Variants in TENT5D observed in about 807,000 individuals in gnomAD.
TENT5D encodes the protein cancer/testis antigen 112.
For missense variants in TENT5D, 191 were observed against 287.0 expected, an observed-to-expected ratio of 0.67 and a Z score of 2.42; for synonymous variants, 103 against 100.6, an observed-to-expected ratio of 1.02 and a Z score of -0.15.
chrX:80,347,244 A>T (rs1930082333), intron 3 of TENT5D, among the ~76,000 whole-genome samples: 1 of 111,472 alleles, frequency 9.0e-6, no homozygotes, highest in South Asian at 3.8e-4. Flanking sequence ...ATCCTTGAGG[A>T]ATTGCCACAC....
intron 3 of TENT5D, among the ~76,000 whole-genome samples, chrX:80,343,298 T>C (rs919737152): frequency 1.8e-5 from 2 of 111,690 alleles, no homozygotes; most frequent in African/African-American, 6.5e-5. Flanking sequence ...TAAACAACTT[T>C]GGTTAAAACA....
At chrX:80,397,980 A>G (rs1374418396) in intron 3 of TENT5D, among the ~76,000 whole-genome samples, 4 of 111,416 alleles carry the variant, frequency 3.6e-5, no homozygotes, top group Non-Finnish European at 7.6e-5. Context: ...AGGGAGAGGG[A>G]GAGGGAGCTA....
chrX:80,338,931 A>C (rs1435116424), intron 2 of TENT5D, among the ~76,000 whole-genome samples: 7 of 112,170 alleles, frequency 6.2e-5, no homozygotes, highest in Admixed American at 5.7e-4. Context: ...CAAATCATTT[A>C]TTGCATAAAA....
chrX:80,385,415 A>C (rs1194265815), intron 3 of TENT5D, among the ~76,000 whole-genome samples: 2 of 111,793 alleles, frequency 1.8e-5, no homozygotes, highest in Non-Finnish European at 3.8e-5. Flanking sequence ...TTATACAAAA[A>C]TCAATTCAAG....
At chrX:80,366,096 G>A (rs1013373779) in intron 3 of TENT5D, among the ~76,000 whole-genome samples, 1 of 110,303 alleles carries the variant, frequency 9.1e-6, no homozygotes, top group African/African-American at 3.3e-5. Flanking sequence ...CTGTTCATTA[G>A]TATTTCATGG....
At chrX:80,417,603 T>C (rs1481032605), upstream of TENT5D, among the ~76,000 whole-genome samples, 1 of 111,684 alleles carries the variant, frequency 9.0e-6, no homozygotes, top group African/African-American at 3.3e-5. Flanking sequence ...TTGCTTTGAA[T>C]TTCTTTTATT....
chrX:80,388,369 A>G (rs769771220), intron 3 of TENT5D, among the ~76,000 whole-genome samples: 1 of 112,115 alleles, frequency 8.9e-6, no homozygotes, highest in South Asian at 3.7e-4. Context: ...AATGTGTCAC[A>G]GAATCTCACG....
intron 3 of TENT5D, among the ~76,000 whole-genome samples, chrX:80,397,956 G>GGAGGGAGAGGGA (rs1164439327): frequency 3.2e-4 from 34 of 107,739 alleles, no homozygotes; most frequent in Admixed American, 6.8e-4. Context: ...AGAGGGCGAG[G>GGAGGGAGAGGGA]GAGGGAGAGG....
intron 3 of TENT5D, among the ~76,000 whole-genome samples, chrX:80,405,723 A>T (rs1277998703): frequency 3.6e-5 from 4 of 111,494 alleles, no homozygotes; most frequent in South Asian, 7.5e-4. Flanking sequence ...ACAAAGCAGC[A>T]GGGAAGCTCG....
At chrX:80,383,903 G>A (rs1379221689) in intron 3 of TENT5D, among the ~76,000 whole-genome samples, 1 of 111,168 alleles carries the variant, frequency 9.0e-6, no homozygotes, top group Admixed American at 9.6e-5. Context: ...AACAGGCTCT[G>A]AAATTGAGGC....
At chrX:80,354,507 AT>A (rs781028279) in intron 3 of TENT5D, among the ~76,000 whole-genome samples, 25 of 112,138 alleles carry the variant, frequency 2.2e-4, no homozygotes, top group Non-Finnish European at 4.1e-4. Flanking sequence ...GCTTTCTGAA[AT>A]TCCTATAGTG....
At chrX:80,355,297 T>C (rs1399706762) in intron 3 of TENT5D, among the ~76,000 whole-genome samples, 4 of 111,707 alleles carry the variant, frequency 3.6e-5, no homozygotes, top group Non-Finnish European at 1.9e-5. Flanking sequence ...GAGACTGTTT[T>C]GCAAGTGGGT....
chrX:80,395,037 C>A lies in TENT5D; in HGVS notation c.-141-43573C>A, dbSNP rs890064530. On this transcript the variant is annotated intron_variant, in intron 3 of 4. Transcript: ENST00000538312. ...CATTCTCTCCTGCTCTCTTCCCTCCCCAGTCTCTGGCAAATACTTGTATTT... is the reference window on the plus strand; with the variant it reads ...CATTCTCTCCTGCTCTCTTCCCTCCACAGTCTCTGGCAAATACTTGTATTT... Among the ~76,000 whole-genome samples, 7 of 111,815 alleles carry A rather than the reference C, an allele frequency of 6.3e-5. No individual in the cohort carries two copies. The East Asian group carries it at 2.0e-3, about 32-fold the overall frequency.
intron 3 of TENT5D, among the ~76,000 whole-genome samples, chrX:80,378,930 T>A (rs1187270239): frequency 1.8e-5 from 2 of 109,794 alleles, no homozygotes; most frequent in Non-Finnish European, 3.8e-5. Flanking sequence ...AGAGAAGGCA[T>A]CCCAGTCTTA....
chrX:80,402,127 A>G (rs5913262), intron 3 of TENT5D, among the ~76,000 whole-genome samples: 60,946 of 109,873 alleles, frequency 0.55, 13,622 homozygotes, highest in Non-Finnish European at 0.71. Context: ...CAATCTTGGT[A>G]GGGGTTGTAT....
intron 1 of TENT5D, among the ~76,000 whole-genome samples, chrX:80,427,561 A>G (rs990599921): frequency 8.9e-6 from 1 of 111,976 alleles, no homozygotes; most frequent in Non-Finnish European, 1.9e-5. Context: ...CCAAGGGCTT[A>G]TCCTTTTTCA....
At chrX:80,383,999 GT>G (rs1930933660) in intron 3 of TENT5D, among the ~76,000 whole-genome samples, 1 of 110,994 alleles carries the variant, frequency 9.0e-6, no homozygotes, top group Non-Finnish European at 1.9e-5. Flanking sequence ...GGAGGAGCTG[GT>G]ACCATTCCTT....
exon 3 of TENT5D, chrX:80,442,762 C>T: frequency 8.3e-7 from 1 of 1,211,107 alleles, no homozygotes; most frequent in Non-Finnish European, 1.1e-6. Context: ...ACTTGCAAGC[C>T]ACAATGGAAT....
At chrX:80,411,627 A>G (rs749231324) in intron 3 of TENT5D, among the ~76,000 whole-genome samples, 2 of 112,364 alleles carry the variant, frequency 1.8e-5, no homozygotes, top group South Asian at 3.7e-4. Flanking sequence ...GAATTAGACA[A>G]AAAGTATTTT....
Sources: allele counts gnomAD v4.1 joint callset (sites outside exome capture counted in the v4.1 genomes callset), GRCh38; gene constraint gnomAD v4.1.1; transcripts MANE v1.5; gene names NCBI Gene and HGNC (gene_info 2026-07-23, HGNC 2026-07-21).